PDE4D: variants seen among roughly 807,000 people sequenced by gnomAD.
PDE4D encodes the protein 3',5'-cyclic-AMP phosphodiesterase 4D.
Under a neutral mutation model 87.4 loss-of-function variants are expected in PDE4D, and 24 were observed. The ratio of observed to expected loss-of-function variants is 0.27; its 90% CI spans 0.20 to 0.39. The LOEUF (loss-of-function observed/expected upper bound fraction) is 0.39, where lower values mean the gene tolerates loss of function less well. Ranked by LOEUF, PDE4D falls within the 10% of genes least tolerant of loss-of-function variation. PDE4D has a pLI of 1.00. For synonymous variants in PDE4D, 384 were observed against 383.2 expected, an observed-to-expected ratio of 1.00 and a Z score of -0.02; for missense variants, 714 against 1,041.0, an observed-to-expected ratio of 0.69 and a Z score of 4.32.
chr5:60,505,563 G>T (rs1182655013), intron 1 of PDE4D, among the ~76,000 whole-genome samples: 1 of 152,138 alleles, frequency 6.6e-6, no homozygotes, highest in African/African-American at 2.4e-5. Flanking sequence ...TATTTGCCTG[G>T]TTCTTTTCAT....
intron 1 of PDE4D, among the ~76,000 whole-genome samples, chr5:59,552,999 C>T (rs1203603600): frequency 1.3e-5 from 2 of 152,150 alleles, no homozygotes; most frequent in African/African-American, 2.4e-5. Flanking sequence ...AGTTTGGAAA[C>T]ATTTTCTCAG....
chr5:59,742,643 G>A (rs1187569240), intron 1 of PDE4D, among the ~76,000 whole-genome samples: 1 of 152,150 alleles, frequency 6.6e-6, no homozygotes, highest in Non-Finnish European at 1.5e-5. Context: ...TTTCATACCA[G>A]GTGTGCAGTA....
intron 2 of PDE4D, among the ~76,000 whole-genome samples, chr5:60,010,036 C>T (rs961481322): frequency 4.6e-5 from 7 of 151,852 alleles, no homozygotes; most frequent in Admixed American, 1.3e-4. Flanking sequence ...AGATAGGGAT[C>T]CATGAGAAGC....
intron 2 of PDE4D, among the ~76,000 whole-genome samples, chr5:60,001,076 C>T (rs1763972858): frequency 6.6e-6 from 1 of 152,146 alleles, no homozygotes; most frequent in Admixed American, 6.6e-5. Context: ...GATGTGGACC[C>T]TGAAGCAGCA....
chr5:59,693,792 A>C (rs1489134162), intron 1 of PDE4D, among the ~76,000 whole-genome samples: 4 of 152,242 alleles, frequency 2.6e-5, no homozygotes, highest in Non-Finnish European at 4.4e-5. Context: ...GTTTAACATT[A>C]GATCTGTCAG....
At position 59,604,740 on chromosome 5, in the gene PDE4D, AT is replaced by A. The variant is rs879554519; in HGVS notation, c.455+288427del. On this transcript the variant is annotated intron_variant, in intron 1 of 14. Transcript: ENST00000340635. ...ATTTTGCCTATCACATTCGTTTAAGATTTTTTTTAAAAGACTAAAAATATGC... is the reference window on the plus strand; with the variant it reads ...ATTTTGCCTATCACATTCGTTTAAGATTTTTTTAAAAGACTAAAAATATGC... Among the ~76,000 whole-genome samples the A allele has an allele frequency of 1.4e-4, 22 of 151,902 alleles. 1 individual carries two copies. Among genetic ancestry groups the A allele is most frequent in the Admixed American group, 7.2e-4 (11 of 15,214 alleles).
chr5:60,293,892 A>T (rs536067280), intron 1 of PDE4D, among the ~76,000 whole-genome samples: 15 of 152,342 alleles, frequency 9.8e-5, no homozygotes, highest in Non-Finnish European at 1.6e-4. Flanking sequence ...TATTTTAACA[A>T]GTATTTATGT....
intron 5 of PDE4D, among the ~76,000 whole-genome samples, chr5:59,158,284 G>A (rs1012856804): frequency 2.0e-5 from 3 of 152,152 alleles, no homozygotes; most frequent in African/African-American, 7.2e-5. Flanking sequence ...ATGCAGACAG[G>A]AATAGACAAA....
intron 2 of PDE4D, among the ~76,000 whole-genome samples, chr5:60,042,766 A>G (rs1235445600): frequency 6.6e-6 from 1 of 152,180 alleles, no homozygotes; most frequent in Admixed American, 6.5e-5. Flanking sequence ...AACAAAAAGG[A>G]TGTCCAGTCA....
At chr5:59,568,725 C>T (rs948175418) in intron 1 of PDE4D, among the ~76,000 whole-genome samples, 1 of 151,972 alleles carries the variant, frequency 6.6e-6, no homozygotes, top group Non-Finnish European at 1.5e-5. Flanking sequence ...CTAATCAGTA[C>T]TCCTCAAAAC....
At chr5:60,150,363 T>G (rs1183332937) in intron 2 of PDE4D, among the ~76,000 whole-genome samples, 1 of 152,064 alleles carries the variant, frequency 6.6e-6, no homozygotes, top group African/African-American at 2.4e-5. Flanking sequence ...TATGACCACT[T>G]TATAGAATTT....
At position 60,062,057 on chromosome 5, in the gene PDE4D, T is replaced by C. The variant is rs1771470379; in HGVS notation, c.43-73340A>G. ...AAAGCAATCACAACAAAAGCTAAAA[T>C]TGACAAATGGGATCTAATTAAAGAG... On this transcript the variant is annotated intron_variant, in intron 2 of 16. Coordinates refer to the PDE4D transcript ENST00000502484. 4.6e-5 allele frequency among the ~76,000 whole-genome samples: 7 copies of C among 152,220 alleles called. No individual in the cohort carries two copies. The South Asian group carries it at 1.4e-3, about 32-fold the overall frequency.
At chr5:60,299,940 G>A (rs1753745281) in intron 1 of PDE4D, among the ~76,000 whole-genome samples, 1 of 152,106 alleles carries the variant, frequency 6.6e-6, no homozygotes, top group Admixed American at 6.5e-5. Context: ...GGCTCAAATG[G>A]TATTTCTGCC....
chr5:59,478,949 T>C (rs1287664970), intron 1 of PDE4D, among the ~76,000 whole-genome samples: 6 of 152,100 alleles, frequency 3.9e-5, no homozygotes, highest in South Asian at 2.1e-4. Context: ...ATCTTAAAAT[T>C]TGAGGTTCAA....
chr5:60,431,121 G>A lies in PDE4D; in HGVS notation c.-90+56821C>T, dbSNP rs576030900. On this transcript the variant is annotated intron_variant, in intron 1 of 16. Coordinates refer to the PDE4D transcript ENST00000502484. Reference sequence around the variant, plus strand: ...TCCTCACTTCCCAGTAGGGGCGGCCGGGCAGAGGCACCCCTCCCTCCCGGA... The same window carrying A: ...TCCTCACTTCCCAGTAGGGGCGGCCAGGCAGAGGCACCCCTCCCTCCCGGA... 5.9e-3 allele frequency: 1,284 copies of A among 218,952 alleles called. 18 individuals carry two copies. Among genetic ancestry groups the A allele is most frequent in the African/African-American group, 0.029 (1,207 of 41,898 alleles). 13.6% of individuals were successfully genotyped at this position (218,952 alleles called of 1,614,324 possible).
At chr5:59,908,782 A>T (rs1753125089) in intron 3 of PDE4D, among the ~76,000 whole-genome samples, 1 of 152,188 alleles carries the variant, frequency 6.6e-6, no homozygotes, top group South Asian at 2.1e-4. Flanking sequence ...TCTACTTTCA[A>T]AAGGTAATGA....
chr5:59,529,155 C>T, intron 1 of PDE4D: 1 of 480,710 alleles, frequency 2.1e-6, no homozygotes, highest in Admixed American at 2.3e-5. Context: ...GAATTGGGCC[C>T]CTCTTCTTCT....
chr5:59,580,007 A>T (rs2153699518), intron 1 of PDE4D, among the ~76,000 whole-genome samples: 1 of 152,338 alleles, frequency 6.6e-6, no homozygotes, highest in African/African-American at 2.4e-5. Context: ...GAGTTTCTCA[A>T]GGAAAGGCTA....
chr5:59,332,723 A>G (rs564815094), intron 1 of PDE4D, among the ~76,000 whole-genome samples: 36 of 152,292 alleles, frequency 2.4e-4, no homozygotes, highest in African/African-American at 8.7e-4. Flanking sequence ...TGCACTCAAG[A>G]TGACCATGTG....
Sources: gnomAD v4.1 joint callset for allele counts (sites outside exome capture counted in the v4.1 genomes callset) on GRCh38, gnomAD v4.1.1 for gene constraint, MANE v1.5 for transcripts, NCBI Gene and HGNC (gene_info 2026-07-23, HGNC 2026-07-21) for gene names.